The following ADAMTS17 variants were observed in gnomAD, a reference collection of about 807,000 sequenced individuals.
The protein encoded by ADAMTS17 is A disintegrin and metalloproteinase with thrombospondin motifs 17.
ADAMTS17 carries 113 observed loss-of-function variants against 141.5 expected under a neutral mutation model. The observed-to-expected ratio is 0.80, with a 90% CI of 0.69 to 0.93. ADAMTS17 has a LOEUF of 0.93. Among genes scored for constraint, ADAMTS17 ranks in the 40% least tolerant of loss-of-function variants. The pLI is 0.00. For synonymous variants in ADAMTS17, 768 were observed against 630.6 expected (o/e 1.22, Z -3.27); for missense variants, 1,659 against 1,517.9 (o/e 1.09, Z -1.54).
intron 15 of ADAMTS17, among the ~76,000 whole-genome samples, chr15:100,055,880 G>C (rs2032524411): frequency 6.6e-6 from 1 of 152,186 alleles, no homozygotes. Flanking sequence ...TGAGGCAATG[G>C]GGGCAGAGAG....
At chr15:100,198,656 C>T (rs1212729868) in intron 8 of ADAMTS17, among the ~76,000 whole-genome samples, 1 of 152,204 alleles carries the variant, frequency 6.6e-6, no homozygotes, top group East Asian at 1.9e-4. Context: ...CCTCAGGCCA[C>T]AGTTTGAGCG....
At chr15:100,002,103 T>C (rs976708925) in intron 18 of ADAMTS17, among the ~76,000 whole-genome samples, 17 of 151,634 alleles carry the variant, frequency 1.1e-4, no homozygotes, top group Non-Finnish European at 1.6e-4. Flanking sequence ...ACTATTTCTA[T>C]ATTTTTAAGC....
At chr15:100,180,667 A>AT (rs146161274) in intron 8 of ADAMTS17, among the ~76,000 whole-genome samples, 44 of 151,938 alleles carry the variant, frequency 2.9e-4, no homozygotes, top group African/African-American at 4.6e-4. Flanking sequence ...ATATCTTTCC[A>AT]TTTTTTTTGA....
At chr15:99,982,975 A>C (rs987595615) in intron 20 of ADAMTS17, among the ~76,000 whole-genome samples, 2 of 152,226 alleles carry the variant, frequency 1.3e-5, no homozygotes, top group African/African-American at 4.8e-5. Context: ...AAAGAGGTTC[A>C]ATTTGGATTT....
chr15:100,067,717 A>G (rs564435831), intron 15 of ADAMTS17, among the ~76,000 whole-genome samples: 4 of 152,058 alleles, frequency 2.6e-5, no homozygotes, highest in Non-Finnish European at 5.9e-5. Context: ...ATTGTTTCCT[A>G]CCTTTTATCT....
At chr15:100,041,480 C>A (rs1055285235) in intron 18 of ADAMTS17, among the ~76,000 whole-genome samples, 1 of 152,222 alleles carries the variant, frequency 6.6e-6, no homozygotes, top group African/African-American at 2.4e-5. Flanking sequence ...TCCAGGACCA[C>A]CTGAGGCTGG....
In ADAMTS17 at chr15:100,022,339, G is replaced by A. The variant is rs549542163; in HGVS notation, c.2592-24750C>T. ...CGGCGGTGGACCCCACTAAGGCAGC[G>A]TGTGCTGAGTCCACCCTAAACCTCG... is the stretch of plus-strand genomic sequence containing the variant. On this transcript the variant is annotated intron_variant, in intron 18 of 21. Transcript: ENST00000268070. Among the ~76,000 whole-genome samples, 12 of 152,288 alleles carry A rather than the reference G, an allele frequency of 7.9e-5. No individual in the cohort carries two copies. The South Asian group carries it at 8.3e-4, about 11-fold the overall frequency.
intron 14 of ADAMTS17, among the ~76,000 whole-genome samples, chr15:100,103,574 C>CTTTT (rs11411616): frequency 0.44 from 66,575 of 149,714 alleles, 15,119 homozygotes; most frequent in Non-Finnish European, 0.5. Flanking sequence ...TCCAGCCACT[C>CTTTT]TTTTTTTTTC....
chr15:100,333,520 A>G lies in ADAMTS17; in HGVS notation c.451-2466T>C, dbSNP rs530751884. Among the ~76,000 whole-genome samples, 5 of 152,304 alleles carry G rather than the reference A, an allele frequency of 3.3e-5. No homozygotes were observed. The South Asian group carries it at 1.0e-3, about 32-fold the overall frequency. The stretch of plus-strand genomic sequence containing the variant: ...AAAATTCAATGTGTAGCCAGGGTTG[A>G]GAAGCGCCGTCCTAGCTTTTCACTG... On this transcript the variant is annotated intron_variant, in intron 2 of 21. Transcript: ENST00000268070.
At chr15:100,096,686 T>C (rs1353155304) in intron 14 of ADAMTS17, among the ~76,000 whole-genome samples, 1 of 144,162 alleles carries the variant, frequency 6.9e-6, no homozygotes, top group Non-Finnish European at 1.5e-5. Context: ...TATACCCGCA[T>C]AGCTGTAAAG....
intron 3 of ADAMTS17, among the ~76,000 whole-genome samples, chr15:100,296,613 G>GTA (rs2044830522): frequency 6.6e-6 from 1 of 152,220 alleles, no homozygotes; most frequent in South Asian, 2.1e-4. Flanking sequence ...GTATGTGTGT[G>GTA]TGTGCGCATG....
At position 100,156,643 on chromosome 15, in the gene ADAMTS17, G is replaced by A. The variant is rs559324416; in HGVS notation, c.1182-1323C>T. Among the ~76,000 whole-genome samples the A allele has an allele frequency of 4.7e-4, 71 of 152,246 alleles. No homozygotes were observed. In the South Asian group the frequency reaches 0.014, roughly 30 times the overall value. On this transcript the variant is annotated intron_variant, in intron 8 of 21. Transcript: ENST00000268070. ...GTGGCTACATGTTGGGTTAACCAAC[G>A]AAATATGGGGACAAACACCAAGTTG...
chr15:100,162,925 T>A (rs368934083), intron 8 of ADAMTS17, among the ~76,000 whole-genome samples: 104 of 142,016 alleles, frequency 7.3e-4, no homozygotes, highest in East Asian at 7.3e-3. Flanking sequence ...TGTATATATA[T>A]AACTATATAT....
At chr15:100,011,300 G>GGGGAGGGAAGGAAAGGAGAGATGGGA (rs2061165966) in intron 18 of ADAMTS17, among the ~76,000 whole-genome samples, 7 of 2,778 alleles carry the variant, frequency 2.5e-3, no homozygotes, top group Non-Finnish European at 3.9e-3. Flanking sequence ...GGAGGAGGGA[G>GGGGAGGGAAGGAAAGGAGAGATGGGA]GGGAGGGAAG....
chr15:100,339,596 G>T (rs1439781700), intron 2 of ADAMTS17, among the ~76,000 whole-genome samples: 2 of 63,052 alleles, frequency 3.2e-5, no homozygotes, highest in Admixed American at 1.6e-4. Flanking sequence ...CACATTCCCC[G>T]CCCCAGGTCC....
At chr15:100,212,298 G>A (rs1374944650) in intron 7 of ADAMTS17, among the ~76,000 whole-genome samples, 5 of 152,256 alleles carry the variant, frequency 3.3e-5, no homozygotes, top group Non-Finnish European at 5.9e-5. Context: ...CCCAGGGAAT[G>A]TACAGCAAGC....
intron 10 of ADAMTS17, among the ~76,000 whole-genome samples, chr15:100,142,998 T>C (rs1162179485): frequency 6.6e-6 from 1 of 152,212 alleles, no homozygotes; most frequent in Non-Finnish European, 1.5e-5. Context: ...TTCCAAGCAC[T>C]ACTGTGTGGC....
In ADAMTS17 at chr15:100,217,692, G is replaced by A. The variant is rs146267449; in HGVS notation, c.1076-18269C>T. On this transcript the variant is annotated intron_variant, in intron 7 of 21. Coordinates refer to ENST00000268070, the MANE Select transcript of ADAMTS17 (RefSeq NM_139057.4). ...ACCAAAAGTACAAGTGATAAAAAAT[G>A]ACTACATCAAAGTTGAAATTTTTTA... 5.6e-3 allele frequency among the ~76,000 whole-genome samples: 849 copies of A among 152,296 alleles called. 13 individuals carry two copies. The highest frequency in any genetic ancestry group is 0.044 in the South Asian group (211 of 4,828).
In ADAMTS17 at chr15:100,341,416, GGA is replaced by G; in HGVS notation, c.80-9_80-8del. On this transcript the variant is annotated splice_region_variant and splice_polypyrimidine_tract_variant and intron_variant, in intron 1 of 21. Transcript: ENST00000268070. ...GCCGCCGCGTCGCCGACAGCTGCGGGGAGAGAGGAGACGCGTCAGCGCGGCGG... is the reference window on the plus strand; with the variant it reads ...GCCGCCGCGTCGCCGACAGCTGCGGGGAGAGGAGACGCGTCAGCGCGGCGG... 2.0e-6 allele frequency: 2 copies of G among 1,015,914 alleles called. No homozygotes were observed. Among genetic ancestry groups the G allele is most frequent in the Non-Finnish European group, 2.3e-6 (2 of 851,596 alleles). The allele number at this position is 1,015,914 out of a possible 1,614,324, so 62.9% of individuals were successfully genotyped here.
Sources: allele counts gnomAD v4.1 joint callset (sites outside exome capture counted in the v4.1 genomes callset), GRCh38; gene constraint gnomAD v4.1.1; transcripts MANE v1.5; gene names NCBI Gene and HGNC (gene_info 2026-07-23, HGNC 2026-07-21).